CCDC141: variants seen among roughly 807,000 people sequenced by gnomAD.
CCDC141 encodes coiled-coil domain containing 141.
A neutral mutation model predicts 181.0 loss-of-function variants in CCDC141; 168 were observed. The ratio of observed to expected loss-of-function variants is 0.93; its 90% confidence interval spans 0.82 to 1.05. The LOEUF is 1.05. Among genes scored for constraint, CCDC141 ranks in the 50% least tolerant of loss-of-function variants. The pLI is 0.00. For synonymous variants in CCDC141, 666 were observed against 642.3 expected, an observed-to-expected ratio of 1.04 and a Z score of -0.56; for missense variants, 1,902 against 1,788.5, an observed-to-expected ratio of 1.06 and a Z score of -1.14.
At chr2:178,952,873 T>C (rs571643213) in intron 5 of CCDC141, among the ~76,000 whole-genome samples, 233 of 146,878 alleles carry the variant, frequency 1.6e-3, no homozygotes, top group Non-Finnish European at 2.7e-3. Context: ...AGAAGGAATT[T>C]TTTTCTCTTC....
At chr2:178,913,297 AATTAT>A (rs1277378856) in intron 7 of CCDC141, among the ~76,000 whole-genome samples, 2 of 152,210 alleles carry the variant, frequency 1.3e-5, no homozygotes, top group African/African-American at 4.8e-5. Context: ...AACTGAAAGT[AATTAT>A]ATTTTCCTTG....
At chr2:178,815,645 C>T in the CCDC141 span, among the ~76,000 whole-genome samples, 10 of 152,218 alleles carry the variant, frequency 6.6e-5, no homozygotes, top group East Asian at 7.7e-4. Context: ...ATGCTCAAGT[C>T]GCTTATATAA....
the CCDC141 span, among the ~76,000 whole-genome samples, chr2:178,821,201 G>C: frequency 1.3e-5 from 2 of 152,116 alleles, no homozygotes; most frequent in African/African-American, 4.8e-5. Context: ...CTGATTATTT[G>C]TTTGGGTATA....
intron 4 of CCDC141, among the ~76,000 whole-genome samples, chr2:178,973,360 G>A (rs1430837548): frequency 2.0e-5 from 3 of 152,092 alleles, no homozygotes; most frequent in South Asian, 2.1e-4. Context: ...CATCAAGATG[G>A]AAGAATATTT....
chr2:178,951,566 A>G (rs994800524), intron 5 of CCDC141, among the ~76,000 whole-genome samples: 10 of 152,346 alleles, frequency 6.6e-5, no homozygotes, highest in Non-Finnish European at 1.5e-4. Context: ...CATTCATTAA[A>G]ATTAATTCAT....
At chr2:178,818,323 G>A in the CCDC141 span, among the ~76,000 whole-genome samples, 1 of 152,140 alleles carries the variant, frequency 6.6e-6, no homozygotes, top group Non-Finnish European at 1.5e-5. Context: ...GGATGTGCAG[G>A]TTTGTTACAT....
chr2:178,980,966 A>G (rs1240393812), intron 2 of CCDC141, among the ~76,000 whole-genome samples: 1 of 152,238 alleles, frequency 6.6e-6, no homozygotes, highest in Non-Finnish European at 1.5e-5. Flanking sequence ...AATTCTACAC[A>G]GAGAATATTT....
intron 8 of CCDC141, among the ~76,000 whole-genome samples, 156 bp downstream of exon 8, chr2:178,905,173 T>A (rs1687904546): frequency 6.6e-6 from 1 of 152,184 alleles, no homozygotes; most frequent in South Asian, 2.1e-4. Flanking sequence ...GTGTTCAGAA[T>A]AGCTGTTGAT....
chr2:179,018,249 C>A (rs2042597917), intron 2 of CCDC141, among the ~76,000 whole-genome samples: 1 of 152,062 alleles, frequency 6.6e-6, no homozygotes, highest in Non-Finnish European at 1.5e-5. Flanking sequence ...CCCTGAATAG[C>A]AATTTTCTAA....
intron 5 of CCDC141, among the ~76,000 whole-genome samples, chr2:178,945,766 C>G (rs138399326): frequency 1.4e-3 from 209 of 152,114 alleles, no homozygotes; most frequent in African/African-American, 4.5e-3. Context: ...AATCCTATAA[C>G]ATGGAGAAAT....
At chr2:178,981,786 AAAT>A (rs1691426148) in intron 2 of CCDC141, among the ~76,000 whole-genome samples, 1 of 149,948 alleles carries the variant, frequency 6.7e-6, no homozygotes, top group East Asian at 1.9e-4. Flanking sequence ...AAACAGAAGA[AAAT>A]AATAAAAATT....
chr2:178,921,711 T>G (rs1688697081), intron 6 of CCDC141, among the ~76,000 whole-genome samples: 1 of 152,204 alleles, frequency 6.6e-6, no homozygotes, highest in Non-Finnish European at 1.5e-5. Context: ...AATGCTCCAG[T>G]TGGAACAATG....
intron 22 of CCDC141, among the ~76,000 whole-genome samples, chr2:178,843,540 G>A (rs1684815492): frequency 2.0e-5 from 3 of 152,196 alleles, no homozygotes; most frequent in African/African-American, 7.2e-5. Flanking sequence ...TTAGTGAATT[G>A]CCTAATTCCA....
At chr2:178,827,080 T>C (rs6753614), downstream of CCDC141, among the ~76,000 whole-genome samples, 2,804 of 152,250 alleles carry the variant, frequency 0.018, 70 homozygotes, top group African/African-American at 0.064. Context: ...TTTCAAAATA[T>C]CTAAAAATCC....
Position 178,849,303 on chromosome 2 carries a change from G to T in CCDC141, c.3357+746C>A, listed in dbSNP as rs192739243. On this transcript the variant is annotated intron_variant, in intron 21 of 23. Transcript: ENST00000443758. ...ATCCACTTTGTAGATCAGGAAACAG[G>T]CTCAGGGAGATTAAATAATTTACCC... is the stretch of plus-strand genomic sequence containing the variant. 5.4e-3 allele frequency among the ~76,000 whole-genome samples: 816 copies of T among 152,274 alleles called. 7 individuals are homozygous for T. Among genetic ancestry groups the T allele is most frequent in the Non-Finnish European group, 8.3e-3 (564 of 68,028 alleles).
In CCDC141 at chr2:178,945,853, GCA is replaced by G. The variant is rs10649193; in HGVS notation, c.781-1204_781-1203del. On this transcript the variant is annotated intron_variant, in intron 5 of 23. Coordinates refer to ENST00000443758, the MANE Select transcript of CCDC141 (RefSeq NM_173648.4). Reference sequence around the variant, plus strand: ...CAATAAATGCACATGACACATGCGTGCACACACACACACACACACACACATCA... The same window carrying G: ...CAATAAATGCACATGACACATGCGTGCACACACACACACACACACACATCA... 1.8e-3 allele frequency among the ~76,000 whole-genome samples: 263 copies of G among 149,486 alleles called. 2 individuals carry two copies. The highest frequency in any genetic ancestry group is 0.014 in the East Asian group (71 of 5,040).
intron 11 of CCDC141, among the ~76,000 whole-genome samples, chr2:178,883,654 T>C (rs1028863317): frequency 2.6e-5 from 4 of 152,186 alleles, no homozygotes; most frequent in Admixed American, 6.5e-5. Context: ...GGGTTGGCTC[T>C]ACCCCTGAGT....
At chr2:178,848,557 C>A (rs1685033832) in intron 21 of CCDC141, among the ~76,000 whole-genome samples, 1 of 152,134 alleles carries the variant, frequency 6.6e-6, no homozygotes. Flanking sequence ...GTGGGAGAGG[C>A]TGTGGAAACA....
At chr2:178,940,734 C>T (rs193289289) in intron 6 of CCDC141, among the ~76,000 whole-genome samples, 69 of 152,252 alleles carry the variant, frequency 4.5e-4, no homozygotes, top group Middle Eastern at 6.8e-3. Context: ...AATCAAATGT[C>T]CTTTTCATAT....
Sources: allele counts gnomAD v4.1 joint callset (sites outside exome capture counted in the v4.1 genomes callset), GRCh38; gene constraint gnomAD v4.1.1; transcripts MANE v1.5; gene names NCBI Gene and HGNC (gene_info 2026-07-23, HGNC 2026-07-21).